ACACA: variants seen among roughly 807,000 people sequenced by gnomAD.
The protein encoded by ACACA is acetyl-CoA carboxylase 1.
In ACACA, 103 loss-of-function variants were observed where a neutral mutation model predicts 296.1. The ratio of observed to expected loss-of-function variants is 0.35; its 90% CI spans 0.30 to 0.41. ACACA has a LOEUF of 0.41. ACACA is among the 10% of genes least tolerant of loss of function. ACACA has a pLI of 1.00. For synonymous variants in ACACA, 953 were observed against 1,038.6 expected (o/e 0.92, Z 1.58); for missense variants, 1,554 against 2,989.7 (o/e 0.52, Z 11.20).
Position 37,406,594 on chromosome 17 carries a change from C to T in ACACA, c.-295G>A, listed in dbSNP as rs1483128550. On this transcript the variant is annotated 5_prime_UTR_variant, in exon 1 of 56. Coordinates refer to ENST00000616317, the MANE Select transcript of ACACA (RefSeq NM_198834.3). ...AGTCCCGGCTCGGCCCGCCTCACCG[C>T]ACTCCGGAGGGGACCAAACAGCCCC... The T allele has an allele frequency of 7.0e-6, 4 of 567,636 alleles. No individual in the cohort carries two copies. The highest frequency in any genetic ancestry group is 1.3e-5 in the Non-Finnish European group (4 of 317,664). 35.2% of individuals were successfully genotyped at this position (567,636 alleles called of 1,614,324 possible).
At chr17:37,107,154 C>T (rs969971813) in intron 52 of ACACA, among the ~76,000 whole-genome samples, 7 of 152,190 alleles carry the variant, frequency 4.6e-5, no homozygotes, top group Non-Finnish European at 1.0e-4. Flanking sequence ...ACTCCAAGTT[C>T]AACAGGTGAG....
chr17:37,201,312 A>T (rs933263885), intron 33 of ACACA, among the ~76,000 whole-genome samples: 2 of 152,118 alleles, frequency 1.3e-5, no homozygotes, highest in African/African-American at 4.8e-5. Flanking sequence ...GTGGTGGCAC[A>T]TTCCTGTAAT....
At chr17:37,174,008 A>T (rs1220802811) in intron 41 of ACACA, among the ~76,000 whole-genome samples, 343 of 12,472 alleles carry the variant, frequency 0.028, 36 homozygotes, top group African/African-American at 0.17. Flanking sequence ...ATATATATAT[A>T]TATATATATA....
intron 14 of ACACA, among the ~76,000 whole-genome samples, chr17:37,256,478 G>A (rs199743324): frequency 4.6e-5 from 7 of 152,140 alleles, no homozygotes; most frequent in East Asian, 1.9e-4. Flanking sequence ...TGGGTGCAGC[G>A]GCTCATGCCT....
At chr17:37,231,476 A>G (rs1488162856) in intron 25 of ACACA, among the ~76,000 whole-genome samples, 1 of 152,224 alleles carries the variant, frequency 6.6e-6, no homozygotes, top group Non-Finnish European at 1.5e-5. Context: ...ACAATTGTTA[A>G]TATCACCCTT....
At chr17:37,319,073 C>T (rs1256816963) in intron 3 of ACACA, among the ~76,000 whole-genome samples, 1 of 152,146 alleles carries the variant, frequency 6.6e-6, no homozygotes, top group Non-Finnish European at 1.5e-5. Context: ...CAAATTTTCA[C>T]TAGCAATCAT....
chr17:37,358,025 G>A (rs2049222027), intron 1 of ACACA, among the ~76,000 whole-genome samples: 1 of 152,200 alleles, frequency 6.6e-6, no homozygotes, highest in Non-Finnish European at 1.5e-5. Flanking sequence ...CACACATTAG[G>A]AAATTACTGA....
chr17:37,372,130 T>A (rs538561757), intron 1 of ACACA, among the ~76,000 whole-genome samples: 118 of 151,918 alleles, frequency 7.8e-4, no homozygotes, highest in African/African-American at 2.7e-3. Context: ...AGCAGTAGCA[T>A]AAGCCAGACG....
chr17:37,380,306 G>T (rs189913444), intron 1 of ACACA, among the ~76,000 whole-genome samples: 1 of 149,922 alleles, frequency 6.7e-6, no homozygotes, highest in East Asian at 2.0e-4. Flanking sequence ...GGATAGCATC[G>T]GGAGATATAC....
At chr17:37,380,192 G>A (rs1014585679) in intron 1 of ACACA, among the ~76,000 whole-genome samples, 12 of 147,772 alleles carry the variant, frequency 8.1e-5, no homozygotes, top group African/African-American at 2.5e-4. Flanking sequence ...ACCAAACACC[G>A]CATATTCTCA....
chr17:37,300,193 C>T (rs1017959102), intron 3 of ACACA, among the ~76,000 whole-genome samples: 1 of 152,172 alleles, frequency 6.6e-6, no homozygotes, highest in Admixed American at 6.5e-5. Flanking sequence ...GGAGGTCTAA[C>T]CCCCTTAAGC....
chr17:37,157,139 A>G (rs1294472824), intron 42 of ACACA, among the ~76,000 whole-genome samples: 1 of 152,258 alleles, frequency 6.6e-6, no homozygotes, highest in Non-Finnish European at 1.5e-5. Flanking sequence ...GAGAAGGTAG[A>G]CAGTCGAACT....
intron 1 of ACACA, chr17:37,365,763 G>T: frequency 1.0e-6 from 1 of 984,246 alleles, no homozygotes; most frequent in South Asian, 4.7e-5. Context: ...AATGATGAAA[G>T]GTAGAATTGC....
intron 3 of ACACA, among the ~76,000 whole-genome samples, chr17:37,317,071 G>GA (rs755136838): frequency 1.4e-3 from 127 of 91,930 alleles, no homozygotes; most frequent in East Asian, 2.2e-3. Context: ...CCCTGTCACA[G>GA]AAAAAAAAAA....
chr17:37,134,308 C>T lies in ACACA; in HGVS notation c.5680-4090G>A, dbSNP rs546798556. On this transcript the variant is annotated intron_variant, in intron 45 of 55. Coordinates refer to ENST00000616317, the MANE Select transcript of ACACA (RefSeq NM_198834.3). ...CCCTTTTTGGAGATCAAGATAAACA[C>T]GTACTTCCTTTCCCCCATGCTCCAG... Among the ~76,000 whole-genome samples, 32 of 152,288 alleles carry T rather than the reference C, an allele frequency of 2.1e-4. 1 individual carries two copies. The South Asian group carries it at 3.5e-3, about 17-fold the overall frequency.
At chr17:37,269,165 A>C (rs2542658) in intron 10 of ACACA, among the ~76,000 whole-genome samples, 19,192 of 152,026 alleles carry the variant, frequency 0.13, 1,829 homozygotes, top group East Asian at 0.45. Flanking sequence ...GTAGAGATAG[A>C]GTCTCACTTT....
At position 37,260,285 on chromosome 17, in the gene ACACA, TATATATA is replaced by T. The variant is rs1180987862; in HGVS notation, c.1330-762_1330-756del. ...ATATATATATATATATATATATATATATATATATATATTTTTTTTTTTTTTTTTTTTG... is the reference window on the plus strand; with the variant it reads ...ATATATATATATATATATATATATATTATATTTTTTTTTTTTTTTTTTTTG... On this transcript the variant is annotated intron_variant, in intron 11 of 55. Coordinates refer to ENST00000616317, the MANE Select transcript of ACACA (RefSeq NM_198834.3). Among the ~76,000 whole-genome samples the T allele has an allele frequency of 5.4e-3, 178 of 33,008 alleles. 11 individuals are homozygous for T. Among genetic ancestry groups the T allele is most frequent in the South Asian group, 0.018 (10 of 544 alleles). The allele number at this position is 33,008 out of a possible 152,430, so 21.7% of individuals were successfully genotyped here.
chr17:37,116,956 G>A (rs139073927), intron 50 of ACACA, among the ~76,000 whole-genome samples: 2 of 152,310 alleles, frequency 1.3e-5, no homozygotes, highest in East Asian at 3.9e-4. Context: ...AATACTGATA[G>A]GTTCCTCACT....
At chr17:37,187,651 T>A (rs1271515484) in intron 39 of ACACA, among the ~76,000 whole-genome samples, 1 of 152,242 alleles carries the variant, frequency 6.6e-6, no homozygotes, top group Admixed American at 6.5e-5. Context: ...TTTTCCTACC[T>A]GAAAACGGGT....
Sources: gnomAD v4.1 joint callset for allele counts (sites outside exome capture counted in the v4.1 genomes callset) on GRCh38, gnomAD v4.1.1 for gene constraint, MANE v1.5 for transcripts, NCBI Gene and HGNC (gene_info 2026-07-23, HGNC 2026-07-21) for gene names.